FAM169A: variants seen among roughly 807,000 people sequenced by gnomAD.
FAM169A encodes the protein soluble lamin-associated protein of 75 kDa.
In FAM169A, 24 loss-of-function variants were observed where a neutral mutation model predicts 75.7. That is an observed-to-expected ratio of 0.32 (90% CI 0.23 to 0.45). The LOEUF (loss-of-function observed/expected upper bound fraction) is 0.45, where lower values mean the gene tolerates loss of function less well. FAM169A is among the 20% of genes least tolerant of loss of function. The pLI, the probability that FAM169A is intolerant of heterozygous loss-of-function variation, is 1.00. For synonymous variants in FAM169A, 271 were observed against 271.0 expected, an observed-to-expected ratio of 1.00 and a Z score of 0.00; for missense variants, 673 against 784.0, an observed-to-expected ratio of 0.86 and a Z score of 1.69.
At chr5:74,838,614 A>G (rs958333392) in intron 4 of FAM169A, among the ~76,000 whole-genome samples, 16 of 152,314 alleles carry the variant, frequency 1.1e-4, no homozygotes, top group Middle Eastern at 3.4e-3. Flanking sequence ...ACTAATAAAC[A>G]AGTTTCCTGG....
In FAM169A at chr5:74,780,684, G is replaced by C. The variant is rs1419052870; in HGVS notation, c.*776C>G. 1 of 152,132 alleles carries C rather than the reference G, an allele frequency of 6.6e-6. No individual in the cohort carries two copies. Among genetic ancestry groups the C allele is most frequent in the African/African-American group, 2.4e-5 (1 of 41,416 alleles). The allele number at this position is 152,132 out of a possible 1,614,324, so 9.4% of individuals were successfully genotyped here. The stretch of plus-strand genomic sequence containing the variant: ...TTAAAGGTGAAAGTCTAAACTTCTA[G>C]GCGTCTGCACATATGCAGACAAAAA... On this transcript the variant is annotated 3_prime_UTR_variant, in exon 13 of 13. Transcript: ENST00000687041.
At chr5:74,806,408 C>A (rs1366667747) in intron 6 of FAM169A, among the ~76,000 whole-genome samples, 2 of 152,160 alleles carry the variant, frequency 1.3e-5, no homozygotes, top group Non-Finnish European at 2.9e-5. Context: ...TAAACAAATT[C>A]TAAGACCTAA....
chr5:74,820,186 G>A (rs1180539754), intron 5 of FAM169A, among the ~76,000 whole-genome samples: 1 of 151,648 alleles, frequency 6.6e-6, no homozygotes, highest in African/African-American at 2.4e-5. Context: ...AGTAGAGATG[G>A]GGTTTCACTG....
At chr5:74,782,718 T>C (rs1185527531) in intron 12 of FAM169A, among the ~76,000 whole-genome samples, 1 of 152,226 alleles carries the variant, frequency 6.6e-6, no homozygotes, top group Non-Finnish European at 1.5e-5. Context: ...ATAAAACTCA[T>C]TTTGTTACCA....
intron 4 of FAM169A, among the ~76,000 whole-genome samples, chr5:74,838,245 A>G (rs924549915): frequency 2.0e-5 from 3 of 152,166 alleles, no homozygotes; most frequent in African/African-American, 7.2e-5. Flanking sequence ...TTTTTAGGTA[A>G]GCAAAGTCTA....
chr5:74,858,971 T>C (rs1749893800), intron 1 of FAM169A, among the ~76,000 whole-genome samples: 1 of 152,072 alleles, frequency 6.6e-6, no homozygotes, highest in African/African-American at 2.4e-5. Flanking sequence ...CCCAACACTT[T>C]GGGAGGCCAA....
chr5:74,818,799 C>A (rs1356280446), intron 5 of FAM169A, among the ~76,000 whole-genome samples: 2,670 of 125,278 alleles, frequency 0.021, 26 homozygotes, highest in Non-Finnish European at 0.026. Context: ...CTCTCTCTCT[C>A]TCTCTATATA....
At position 74,866,299 on chromosome 5, in the gene FAM169A, G is replaced by C. The variant is rs1036624494; in HGVS notation, c.-138C>G. ...GCACAGCTCGCGGCTGCCAGGGCGA[G>C]TGCGGCTGCCTCCCGCTCGCCCCGG... On this transcript the variant is annotated 5_prime_UTR_variant, in exon 1 of 13. Transcript: ENST00000687041. The C allele has an allele frequency of 1.0e-6, 1 of 984,018 alleles. No homozygotes were observed. Among genetic ancestry groups the C allele is most frequent in the Non-Finnish European group, 1.2e-6 (1 of 829,346 alleles). 61.0% of individuals were successfully genotyped at this position (984,018 alleles called of 1,614,324 possible). A position where few individuals can be genotyped will look rare whatever the true frequency, so the allele number is the denominator to read the frequency against.
intron 1 of FAM169A, among the ~76,000 whole-genome samples, chr5:74,853,396 C>T (rs566410120): frequency 2.0e-5 from 3 of 152,196 alleles, no homozygotes; most frequent in Non-Finnish European, 4.4e-5. Context: ...TCCTATACAC[C>T]CTTTCTGAAT....
intron 6 of FAM169A, among the ~76,000 whole-genome samples, chr5:74,810,472 G>A (rs1019589644): frequency 1.3e-5 from 2 of 152,092 alleles, no homozygotes; most frequent in Admixed American, 1.3e-4. Context: ...CATGTAGGCT[G>A]GGCGCGGTGG....
intron 1 of FAM169A, among the ~76,000 whole-genome samples, chr5:74,857,500 G>A (rs1408694215): frequency 1.4e-5 from 2 of 147,374 alleles, no homozygotes; most frequent in African/African-American, 2.5e-5. Context: ...GGGAGGTAGA[G>A]GCTGCAGTGA....
At chr5:74,824,335 G>A (rs1010600941) in intron 5 of FAM169A, among the ~76,000 whole-genome samples, 1 of 152,062 alleles carries the variant, frequency 6.6e-6, no homozygotes, top group African/African-American at 2.4e-5. Context: ...CTAAAATACG[G>A]TATGCTATTT....
In FAM169A at chr5:74,781,191, T is replaced by TA. The variant is rs1430731353; in HGVS notation, c.*268dup. 5.3e-6 allele frequency: 2 copies of TA among 379,068 alleles called. No homozygotes were observed. Among genetic ancestry groups the TA allele is most frequent in the African/African-American group, 4.1e-5 (2 of 48,836 alleles). 23.5% of individuals were successfully genotyped at this position (379,068 alleles called of 1,614,324 possible). On this transcript the variant is annotated 3_prime_UTR_variant, in exon 13 of 13. Transcript: ENST00000687041. ...AATAATGGTCAGATGTACCACCTGA[T>TA]AAAGAAAATATAATATGATCTGGTT...
chr5:74,842,942 T>A (rs1748960493), intron 1 of FAM169A, among the ~76,000 whole-genome samples: 1 of 151,792 alleles, frequency 6.6e-6, no homozygotes, highest in Non-Finnish European at 1.5e-5. Context: ...ACTGAAAAAT[T>A]CAAAAGAATC....
intron 7 of FAM169A, 46 bp from the exon 8 acceptor site, chr5:74,804,651 G>GT (rs1746770458): frequency 9.1e-7 from 1 of 1,093,858 alleles, no homozygotes; most frequent in African/African-American, 1.6e-5. Context: ...TCAGTATTTG[G>GT]TTTTAACTCT....
intron 5 of FAM169A, among the ~76,000 whole-genome samples, chr5:74,830,817 T>C (rs1050619215): frequency 2.0e-5 from 3 of 152,162 alleles, no homozygotes; most frequent in African/African-American, 4.8e-5. Context: ...ACCCAAAATA[T>C]TGATATATAA....
At chr5:74,857,393 A>G in intron 1 of FAM169A, among the ~76,000 whole-genome samples, 1 of 151,822 alleles carries the variant, frequency 6.6e-6, no homozygotes, top group Non-Finnish European at 1.5e-5. Context: ...TCTACAAAAA[A>G]TACAAAAAAT....
In FAM169A at chr5:74,787,497, C is replaced by T. The variant is rs560254177; in HGVS notation, c.1261-4363G>A. 9.3e-4 allele frequency among the ~76,000 whole-genome samples: 142 copies of T among 152,220 alleles called. 1 individual carries two copies. The highest frequency in any genetic ancestry group is 3.3e-3 in the African/African-American group (136 of 41,542). The stretch of plus-strand genomic sequence containing the variant: ...AGGGTCCAGAAGATATACCCTTGAC[C>T]GATGCTTTGCGAAAGAGATTTGTGA... On this transcript the variant is annotated intron_variant, in intron 11 of 12. Transcript: ENST00000687041.
intron 4 of FAM169A, among the ~76,000 whole-genome samples, chr5:74,835,626 A>G (rs1049882010): frequency 2.7e-5 from 4 of 149,272 alleles, no homozygotes; most frequent in African/African-American, 7.4e-5. Flanking sequence ...AAAAAAAAAA[A>G]TCTGTACATA....
Sources: gnomAD v4.1 joint callset for allele counts (sites outside exome capture counted in the v4.1 genomes callset) on GRCh38, gnomAD v4.1.1 for gene constraint, MANE v1.5 for transcripts, NCBI Gene and HGNC (gene_info 2026-07-23, HGNC 2026-07-21) for gene names.